Variants in NELL1 observed in about 807,000 individuals in gnomAD.
NELL1 encodes the protein protein kinase C-binding protein NELL1.
NELL1 carries 76 observed loss-of-function variants against 107.4 expected under a neutral mutation model. The ratio of observed to expected loss-of-function variants is 0.71; its 90% CI spans 0.59 to 0.86. The LOEUF (loss-of-function observed/expected upper bound fraction) is 0.86. Among genes scored for constraint, NELL1 ranks in the 40% least tolerant of loss-of-function variants. The pLI is 0.00. For missense variants in NELL1, 1,024 were observed against 1,005.5 expected (o/e 1.02, Z -0.25); for synonymous variants, 353 against 341.2 (o/e 1.03, Z -0.38).
At position 20,919,356 on chromosome 11, in the gene NELL1, G is replaced by A. The variant is rs769232114; in HGVS notation, c.759+22G>A. 11 of 1,414,158 alleles carry A rather than the reference G, an allele frequency of 7.8e-6. No individual in the cohort carries two copies. In the South Asian group the frequency reaches 1.3e-4, roughly 17 times the overall value. The allele number at this position is 1,414,158 out of a possible 1,614,324, so 87.6% of individuals were successfully genotyped here. On this transcript the variant is annotated intron_variant, in intron 7 of 19. Coordinates refer to ENST00000357134, the MANE Select transcript of NELL1 (RefSeq NM_006157.5). ...AAAAGTAGGTATCTAAATTTCATTT[G>A]TGATGTTTCATTTCTTTTTCTGTCC...
intron 14 of NELL1, among the ~76,000 whole-genome samples, chr11:21,349,616 T>A (rs1034040338): frequency 1.3e-5 from 2 of 152,142 alleles, no homozygotes; most frequent in Middle Eastern, 3.4e-3. Context: ...CTTTTTTTTT[T>A]AAAGCAGTGA....
intron 2 of NELL1, among the ~76,000 whole-genome samples, chr11:20,782,000 C>G (rs1039320520): frequency 3.3e-5 from 5 of 150,408 alleles, no homozygotes; most frequent in Non-Finnish European, 7.4e-5. Flanking sequence ...GAGATCATGC[C>G]ACTGCACTTC....
chr11:21,271,386 T>C (rs957154184), intron 14 of NELL1, among the ~76,000 whole-genome samples: 2 of 152,178 alleles, frequency 1.3e-5, no homozygotes, highest in Non-Finnish European at 2.9e-5. Flanking sequence ...TGATAACCTA[T>C]GTAAAATGAA....
intron 14 of NELL1, among the ~76,000 whole-genome samples, chr11:21,229,675 C>G (rs2133884174): frequency 6.6e-6 from 1 of 152,328 alleles, no homozygotes; most frequent in East Asian, 1.9e-4. Flanking sequence ...GTCAGGGACA[C>G]AGTTACATAA....
intron 5 of NELL1, among the ~76,000 whole-genome samples, chr11:20,898,529 C>G (rs910855263): frequency 3.3e-5 from 5 of 151,504 alleles, no homozygotes; most frequent in African/African-American, 1.2e-4. Context: ...ATGTAACAAA[C>G]CTGCACATTG....
intron 2 of NELL1, among the ~76,000 whole-genome samples, chr11:20,718,470 T>A (rs569852491): frequency 2.4e-3 from 362 of 152,110 alleles, no homozygotes; most frequent in African/African-American, 7.7e-3. Context: ...TCATTTTTTT[T>A]TTTTTTTATT....
chr11:20,898,546 T>G (rs1849802037), intron 5 of NELL1, among the ~76,000 whole-genome samples: 1 of 151,516 alleles, frequency 6.6e-6, no homozygotes, highest in African/African-American at 2.4e-5. Flanking sequence ...ATTGTGCACA[T>G]GTACCCTAAA....
rs1854101108 is a variant in NELL1 at position 20,677,971 on chromosome 11, T to G, written c.95T>G (p.Ile32Ser). 1 of 1,614,008 alleles carries G rather than the reference T, an allele frequency of 6.2e-7. No homozygotes were observed. Among genetic ancestry groups the G allele is most frequent in the African/African-American group, 1.3e-5 (1 of 74,916 alleles). The change falls in exon 2 of 20, where the codon ATC becomes AGC. Residue 32 changes from isoleucine to serine, a missense_variant. Transcript: ENST00000357134. Reference protein sequence around the residue: ...FGMDPDLQMDIVTELDLVNTT... With the variant: ...FGMDPDLQMDSVTELDLVNTT... Reference sequence around the variant, plus strand: ...ATGGACCCTGACCTTCAGATGGATATCGTCACCGAGCTTGACCTTGTGAAC... The same window carrying G: ...ATGGACCCTGACCTTCAGATGGATAGCGTCACCGAGCTTGACCTTGTGAAC...
chr11:21,526,764 T>C (rs1406267373), intron 15 of NELL1, among the ~76,000 whole-genome samples: 1 of 152,152 alleles, frequency 6.6e-6, no homozygotes, highest in Admixed American at 6.5e-5. Flanking sequence ...CCTTTTAGCC[T>C]GGGATACAGC....
intron 16 of NELL1, among the ~76,000 whole-genome samples, chr11:21,557,962 G>A (rs1856762281): frequency 6.6e-6 from 1 of 151,976 alleles, no homozygotes; most frequent in Non-Finnish European, 1.5e-5. Flanking sequence ...CTCTCTGGAG[G>A]TAGACAAGTT....
chr11:21,055,952 G>A (rs913441943), intron 12 of NELL1, among the ~76,000 whole-genome samples: 2 of 152,160 alleles, frequency 1.3e-5, no homozygotes, highest in Non-Finnish European at 2.9e-5. Flanking sequence ...ATACTTTGGA[G>A]TATTATAATA....
At chr11:21,450,711 G>A (rs1028650602) in intron 15 of NELL1, among the ~76,000 whole-genome samples, 5 of 152,050 alleles carry the variant, frequency 3.3e-5, no homozygotes, top group African/African-American at 1.2e-4. Flanking sequence ...TGGACAGACA[G>A]GAAAGGAAGG....
At chr11:21,084,517 A>T (rs572492283) in intron 12 of NELL1, among the ~76,000 whole-genome samples, 85 of 152,284 alleles carry the variant, frequency 5.6e-4, no homozygotes, top group African/African-American at 2.0e-3. Context: ...TGGGCTCAGT[A>T]GGTCAGAGAT....
chr11:20,710,910 C>CT (rs969600413), intron 2 of NELL1, among the ~76,000 whole-genome samples: 19 of 151,842 alleles, frequency 1.3e-4, no homozygotes, highest in Admixed American at 9.2e-4. Flanking sequence ...TTTGGATCTT[C>CT]TCTCTTCTTT....
intron 2 of NELL1, among the ~76,000 whole-genome samples, chr11:20,708,833 C>T (rs1855040459): frequency 6.6e-6 from 1 of 152,128 alleles, no homozygotes; most frequent in Non-Finnish European, 1.5e-5. Context: ...AACTTTTTGG[C>T]ACCAGGGACC....
At chr11:20,792,756 G>T (rs1253984447) in intron 3 of NELL1, among the ~76,000 whole-genome samples, 1 of 151,820 alleles carries the variant, frequency 6.6e-6, no homozygotes, top group Non-Finnish European at 1.5e-5. Context: ...ATTAAATAAT[G>T]ATAGCAATAG....
intron 2 of NELL1, among the ~76,000 whole-genome samples, chr11:20,757,322 A>G (rs372887209): frequency 7.8e-4 from 118 of 152,204 alleles, no homozygotes; most frequent in African/African-American, 2.7e-3. Context: ...TTCCTACCCC[A>G]TCACTGGGTA....
intron 13 of NELL1, among the ~76,000 whole-genome samples, chr11:21,208,906 T>C (rs1857443178): frequency 6.6e-6 from 1 of 152,092 alleles, no homozygotes; most frequent in African/African-American, 2.4e-5. Flanking sequence ...AATACTAAAG[T>C]TTCTGCCCTT....
At chr11:21,487,576 A>C (rs1854669014) in intron 15 of NELL1, among the ~76,000 whole-genome samples, 1 of 152,104 alleles carries the variant, frequency 6.6e-6, no homozygotes, top group South Asian at 2.1e-4. Context: ...TCCACTACAG[A>C]AAATCACCAA....
Sources: allele counts gnomAD v4.1 joint callset (sites outside exome capture counted in the v4.1 genomes callset), GRCh38; gene constraint gnomAD v4.1.1; transcripts MANE v1.5; gene names NCBI Gene and HGNC (gene_info 2026-07-23, HGNC 2026-07-21).